The following DPYD variants were observed in gnomAD, a reference collection of about 807,000 sequenced individuals.
DPYD encodes the protein dihydropyrimidine dehydrogenase [NADP(+)].
DPYD carries 109 observed loss-of-function variants against 116.2 expected under a neutral mutation model. The observed-to-expected ratio is 0.94, with a 90% CI of 0.80 to 1.10. The LOEUF is 1.10. Ranked by LOEUF, DPYD falls within the 50% of genes least tolerant of loss-of-function variation. The pLI is 0.00. For missense variants in DPYD, 1,302 were observed against 1,254.5 expected (o/e 1.04, Z -0.57); for synonymous variants, 440 against 432.0 (o/e 1.02, Z -0.23).
chr1:97,864,070 T>C (rs987343286), intron 2 of DPYD, among the ~76,000 whole-genome samples: 1 of 152,026 alleles, frequency 6.6e-6, no homozygotes, highest in Non-Finnish European at 1.5e-5. Context: ...ATTAATACAA[T>C]ATAAGTAAGT....
chr1:97,786,090 A>C (rs113907368), intron 3 of DPYD, among the ~76,000 whole-genome samples: 4,313 of 151,928 alleles, frequency 0.028, 204 homozygotes, highest in African/African-American at 0.095. Context: ...AAAAAAAAGA[A>C]AGAAAAGGGA....
At chr1:97,663,974 T>G (rs562431058) in intron 8 of DPYD, among the ~76,000 whole-genome samples, 46 of 152,244 alleles carry the variant, frequency 3.0e-4, no homozygotes, top group African/African-American at 1.1e-3. Context: ...GTGTTATATA[T>G]TGTGGGAAAA....
intron 10 of DPYD, among the ~76,000 whole-genome samples, chr1:97,578,139 C>A (rs1653397873): frequency 6.6e-6 from 1 of 152,006 alleles, no homozygotes; most frequent in Non-Finnish European, 1.5e-5. Flanking sequence ...AGACACCACG[C>A]CCAGCCATAA....
rs529178796 is a variant in DPYD, at chr1:97,606,140, T to C, written c.851-10974A>G. Among the ~76,000 whole-genome samples, 3 of 152,166 alleles carry C rather than the reference T, an allele frequency of 2.0e-5. No homozygotes were observed. The East Asian group carries it at 5.8e-4, about 29-fold the overall frequency. On this transcript the variant is annotated intron_variant, in intron 8 of 22. Transcript: ENST00000370192. ...AACCAGCTTGATGTTTTAAGAATCATGAGGACAATCAGTTGGAAATACAAA... is the reference window on the plus strand; with the variant it reads ...AACCAGCTTGATGTTTTAAGAATCACGAGGACAATCAGTTGGAAATACAAA...
At chr1:97,484,071 G>A (rs1379071082) in intron 13 of DPYD, among the ~76,000 whole-genome samples, 4 of 152,144 alleles carry the variant, frequency 2.6e-5, no homozygotes, top group East Asian at 1.9e-4. Context: ...TTGGGAGGAC[G>A]AGGTGGGCAG....
intron 2 of DPYD, among the ~76,000 whole-genome samples, chr1:97,830,716 A>T (rs539392710): frequency 6.6e-6 from 1 of 152,098 alleles, no homozygotes; most frequent in African/African-American, 2.4e-5. Flanking sequence ...TCAAAAAAAA[A>T]AAAAAAGAGA....
At chr1:97,099,769 A>C (rs1650531638) in intron 20 of DPYD, among the ~76,000 whole-genome samples, 2 of 152,206 alleles carry the variant, frequency 1.3e-5, no homozygotes, top group South Asian at 4.1e-4. Flanking sequence ...ACTGGCCTCC[A>C]CATTTCAGCT....
intron 13 of DPYD, among the ~76,000 whole-genome samples, chr1:97,464,969 C>T (rs543050502): frequency 6.6e-6 from 1 of 152,254 alleles, no homozygotes; most frequent in East Asian, 1.9e-4. Flanking sequence ...CAACACCAGA[C>T]CATGAACACA....
chr1:97,852,694 C>A (rs974009308), intron 2 of DPYD, among the ~76,000 whole-genome samples: 1 of 152,094 alleles, frequency 6.6e-6, no homozygotes, highest in African/African-American at 2.4e-5. Flanking sequence ...TTTCTGAATA[C>A]AATTTGACTC....
At chr1:97,469,293 T>C (rs960242559) in intron 13 of DPYD, among the ~76,000 whole-genome samples, 10 of 147,858 alleles carry the variant, frequency 6.8e-5, no homozygotes, top group Admixed American at 2.1e-4. Flanking sequence ...TAAAACCTCA[T>C]GGCTCTGATA....
intron 3 of DPYD, among the ~76,000 whole-genome samples, chr1:97,827,246 A>G (rs1450060906): frequency 6.6e-6 from 1 of 152,116 alleles, no homozygotes; most frequent in Non-Finnish European, 1.5e-5. Context: ...TCCTTGAAAA[A>G]TGAGCATTAA....
chr1:97,231,046 T>C (rs1304751722), intron 19 of DPYD, among the ~76,000 whole-genome samples: 1 of 152,222 alleles, frequency 6.6e-6, no homozygotes, highest in Non-Finnish European at 1.5e-5. Context: ...CACATAGTAC[T>C]CTATGTATAT....
chr1:97,530,982 T>G (rs1649578113), intron 12 of DPYD, among the ~76,000 whole-genome samples: 1 of 151,858 alleles, frequency 6.6e-6, no homozygotes, highest in Non-Finnish European at 1.5e-5. Flanking sequence ...ATTTTGCTAT[T>G]GAATTTTAAA....
intron 3 of DPYD, among the ~76,000 whole-genome samples, chr1:97,774,502 C>T (rs891913919): frequency 1.2e-4 from 18 of 152,076 alleles, no homozygotes; most frequent in Admixed American, 1.0e-3. Context: ...CAAATCAGAC[C>T]ACCTGTAGAG....
intron 15 of DPYD, among the ~76,000 whole-genome samples, chr1:97,381,022 T>C (rs1388602298): frequency 6.6e-6 from 1 of 152,206 alleles, no homozygotes; most frequent in Non-Finnish European, 1.5e-5. Context: ...TGAATATTTT[T>C]ATTTTTTAAT....
At chr1:97,370,591 T>TA (rs1189177200) in intron 16 of DPYD, among the ~76,000 whole-genome samples, 3 of 152,288 alleles carry the variant, frequency 2.0e-5, no homozygotes, top group Admixed American at 6.5e-5. Flanking sequence ...AATTTTTTTT[T>TA]AAAAAGAGCA....
intron 19 of DPYD, among the ~76,000 whole-genome samples, chr1:97,225,940 GA>G (rs1183812708): frequency 6.6e-6 from 1 of 151,530 alleles, no homozygotes; most frequent in Admixed American, 6.6e-5. Context: ...GGTACTATAG[GA>G]AAAAAAGTAT....
chr1:97,351,291 G>A (rs1410865321), intron 16 of DPYD, among the ~76,000 whole-genome samples: 1 of 152,060 alleles, frequency 6.6e-6, no homozygotes, highest in Admixed American at 6.6e-5. Context: ...TCTTGCAGGT[G>A]CTTAAAATGA....
intron 8 of DPYD, among the ~76,000 whole-genome samples, chr1:97,673,482 T>C (rs754692037): frequency 1.3e-5 from 2 of 151,908 alleles, no homozygotes; most frequent in Non-Finnish European, 2.9e-5. Context: ...GTCAAAAGAG[T>C]TGCATTTTAA....
Sources: gnomAD v4.1 joint callset for allele counts (sites outside exome capture counted in the v4.1 genomes callset) on GRCh38, gnomAD v4.1.1 for gene constraint, MANE v1.5 for transcripts, NCBI Gene and HGNC (gene_info 2026-07-23, HGNC 2026-07-21) for gene names.